MYL12B: variants seen among roughly 807,000 people sequenced by gnomAD.
The protein encoded by MYL12B is myosin regulatory light chain 12B.
A neutral mutation model predicts 12.9 loss-of-function variants in MYL12B; 3 were observed. The ratio of observed to expected loss-of-function variants is 0.23; its 90% CI spans 0.11 to 0.60. MYL12B has a LOEUF of 0.60. Ranked by LOEUF, MYL12B falls within the 20% of genes least tolerant of loss-of-function variation. The probability of loss-of-function intolerance (pLI) is 0.89; values close to 1 mark genes in which losing one functional copy is unlikely to be tolerated. For missense variants in MYL12B, 120 were observed against 215.4 expected (o/e 0.56, Z 2.77); for synonymous variants, 57 against 71.9 (o/e 0.79, Z 1.05).
intron 2 of MYL12B, chr18:3,276,505 A>G (rs527619812): frequency 2.0e-6 from 2 of 985,094 alleles, no homozygotes; most frequent in East Asian, 1.2e-4. Context: ...AATACCAAAG[A>G]AGACCACAGT....
In MYL12B at chr18:3,277,394, G is replaced by A; in HGVS notation, c.326G>A (p.Cys109Tyr). 3 of 1,614,070 alleles carry A rather than the reference G, an allele frequency of 1.9e-6. No individual in the cohort carries two copies. The highest frequency in any genetic ancestry group is 2.5e-6 in the Non-Finnish European group (3 of 1,179,978). The part of the protein sequence containing the change: ...PEDVIRNAFA[C>Y]FDEEATGTIQ... ...GATGTCATCAGAAACGCCTTTGCTTGCTTTGATGAAGAAGCAACAGGTGAG... is the reference window on the plus strand; with the variant it reads ...GATGTCATCAGAAACGCCTTTGCTTACTTTGATGAAGAAGCAACAGGTGAG... The change falls in exon 3 of 4, where the codon TGC becomes TAC. Residue 109 changes from cysteine (C) to tyrosine (Y), a missense_variant. By Grantham distance (194) the Cys-to-Tyr change is radical. Transcript: ENST00000237500.
intron 1 of MYL12B, among the ~76,000 whole-genome samples, chr18:3,268,165 A>T (rs1254188776): frequency 6.6e-6 from 1 of 152,162 alleles, no homozygotes; most frequent in Non-Finnish European, 1.5e-5. Context: ...ATAAGGAGGG[A>T]CTGCTGTATC....
At chr18:3,268,545 C>T (rs2081652397) in intron 1 of MYL12B, among the ~76,000 whole-genome samples, 1 of 152,188 alleles carries the variant, frequency 6.6e-6, no homozygotes, top group South Asian at 2.1e-4. Flanking sequence ...GTGCCACTCA[C>T]ATTTCATTTA....
intron 2 of MYL12B, among the ~76,000 whole-genome samples, chr18:3,276,136 T>A (rs1598810450): frequency 6.6e-6 from 1 of 151,944 alleles, no homozygotes; most frequent in Middle Eastern, 3.4e-3. Context: ...TGTTGGAAGA[T>A]ACCTTTGAGA....
rs527975073 is a variant in MYL12B at position 3,268,592 on chromosome 18, G to A, written c.-15-4292G>A. 2.6e-5 allele frequency among the ~76,000 whole-genome samples: 4 copies of A among 152,214 alleles called. No individual in the cohort carries two copies. In the South Asian group the frequency reaches 8.3e-4, roughly 32 times the overall value. The stretch of plus-strand genomic sequence containing the variant: ...TCTATTCTGTACCTTGGTTTTTCTG[G>A]TGTAGATTGACTTGATTTGAAAACT... On this transcript the variant is annotated intron_variant, in intron 1 of 3. Transcript: ENST00000237500.
chr18:3,276,640 C>A, intron 2 of MYL12B: 1 of 824,822 alleles, frequency 1.2e-6, no homozygotes, highest in Non-Finnish European at 1.5e-6. Context: ...TGAAGCATAT[C>A]AACTTATGGG....
intron 2 of MYL12B, among the ~76,000 whole-genome samples, chr18:3,274,040 A>G (rs552969221): frequency 1.3e-5 from 2 of 152,354 alleles, no homozygotes; most frequent in African/African-American, 4.8e-5. Flanking sequence ...GTGAACACCT[A>G]TACATCTTTA....
At chr18:3,262,492 A>G (rs4133581) in intron 1 of MYL12B, 3 of 152,080 alleles carry the variant, frequency 2.0e-5, no homozygotes, top group African/African-American at 7.2e-5. Flanking sequence ...TGGAGCCGGT[A>G]TGGGGAGACG....
intron 1 of MYL12B, among the ~76,000 whole-genome samples, chr18:3,270,531 TA>T (rs2081669660): frequency 6.6e-6 from 1 of 152,194 alleles, no homozygotes; most frequent in Non-Finnish European, 1.5e-5. Context: ...GCATTTCCCC[TA>T]ATAAAATCCT....
intron 2 of MYL12B, among the ~76,000 whole-genome samples, chr18:3,274,571 A>G (rs955011095): frequency 2.0e-5 from 3 of 152,226 alleles, no homozygotes; most frequent in Admixed American, 1.3e-4. Context: ...GAAGTGAGGT[A>G]TGGAATGGCT....
Position 3,277,858 on chromosome 18 carries a change from C to A in MYL12B, c.440C>A (p.Pro147His), listed in dbSNP as rs762850695. The A allele has an allele frequency of 6.2e-7, 1 of 1,613,806 alleles. No individual in the cohort carries two copies. Among genetic ancestry groups the A allele is most frequent in the East Asian group, 2.2e-5 (1 of 44,874 alleles). ...EEVDELYREAPIDKKGNFNYI... is the reference protein window; with the variant it reads ...EEVDELYREAHIDKKGNFNYI... Reference sequence around the variant, plus strand: ...GTGGATGAGCTGTACAGAGAAGCACCTATTGACAAAAAGGGGAATTTCAAT... The same window carrying A: ...GTGGATGAGCTGTACAGAGAAGCACATATTGACAAAAAGGGGAATTTCAAT... Residue 147 changes from proline (P) to histidine (H), a missense_variant, in exon 4 of 4, where the codon CCT becomes CAT. Coordinates refer to ENST00000237500, the MANE Select transcript of MYL12B (RefSeq NM_033546.4).
chr18:3,267,971 A>G (rs1290045176), intron 1 of MYL12B, among the ~76,000 whole-genome samples: 3 of 152,222 alleles, frequency 2.0e-5, no homozygotes, highest in Non-Finnish European at 4.4e-5. Context: ...TACTATATAA[A>G]TAGTTGTTAT....
At chr18:3,273,929 C>A (rs1301689705) in intron 2 of MYL12B, among the ~76,000 whole-genome samples, 3 of 149,930 alleles carry the variant, frequency 2.0e-5, no homozygotes, top group Non-Finnish European at 4.4e-5. Context: ...TTGATTATTT[C>A]TCCTAACACA....
intron 2 of MYL12B, chr18:3,276,940 ATTAAG>A: frequency 1.1e-6 from 1 of 949,550 alleles, no homozygotes; most frequent in Non-Finnish European, 1.2e-6. Context: ...AAAAAAAAAA[ATTAAG>A]ATGTAATAAT....
At chr18:3,269,654 A>G (rs1165865801) in intron 1 of MYL12B, among the ~76,000 whole-genome samples, 2 of 152,156 alleles carry the variant, frequency 1.3e-5, no homozygotes, top group African/African-American at 4.8e-5. Flanking sequence ...GGAGGTTCGG[A>G]TTTAGGAGGT....
intron 2 of MYL12B, among the ~76,000 whole-genome samples, chr18:3,276,253 C>G (rs936233586): frequency 6.7e-6 from 1 of 149,824 alleles, no homozygotes; most frequent in African/African-American, 2.4e-5. Flanking sequence ...AATGCCAGTT[C>G]TGCCACTTCC....
chr18:3,265,091 T>C (rs551916160), intron 1 of MYL12B, among the ~76,000 whole-genome samples: 5 of 152,226 alleles, frequency 3.3e-5, no homozygotes, highest in East Asian at 3.9e-4. Context: ...AAAATACATA[T>C]AGAGTACTAG....
In MYL12B at chr18:3,278,051, TC is replaced by T. The variant is rs2081748656; in HGVS notation, c.*115del. The T allele has an allele frequency of 1.5e-6, 2 of 1,330,220 alleles. No homozygotes were observed. Among genetic ancestry groups the T allele is most frequent in the South Asian group, 2.8e-5 (2 of 70,564 alleles). The allele number at this position is 1,330,220 out of a possible 1,614,324, so 82.4% of individuals were successfully genotyped here. On this transcript the variant is annotated 3_prime_UTR_variant, in exon 4 of 4. Coordinates refer to ENST00000237500, the MANE Select transcript of MYL12B (RefSeq NM_033546.4). ...TGCAACTTAGTTTCACAGCTTTGCC[TC>T]TTCTTTTTGATGTATTTATTCCAGA...
chr18:3,267,599 A>G (rs1025543106), intron 1 of MYL12B, among the ~76,000 whole-genome samples: 2 of 152,232 alleles, frequency 1.3e-5, no homozygotes, highest in African/African-American at 4.8e-5. Context: ...CCTGTGGTCA[A>G]CTGAAGTCTG....
Sources: allele counts gnomAD v4.1 joint callset (sites outside exome capture counted in the v4.1 genomes callset), GRCh38; gene constraint gnomAD v4.1.1; transcripts MANE v1.5; gene names NCBI Gene and HGNC (gene_info 2026-07-23, HGNC 2026-07-21).